Variants in ZZEF1 observed in about 807,000 individuals in gnomAD.
ZZEF1 encodes the protein zinc finger ZZ-type and EF-hand domain-containing protein 1.
In ZZEF1, 157 loss-of-function variants were observed where a neutral mutation model predicts 342.8. The ratio of observed to expected loss-of-function variants is 0.46; its 90% confidence interval spans 0.40 to 0.52. ZZEF1 has a LOEUF of 0.52. ZZEF1 is among the 20% of genes least tolerant of loss of function. The probability of loss-of-function intolerance (pLI) is 0.00; values close to 1 mark genes in which losing one functional copy is unlikely to be tolerated. For missense variants in ZZEF1, 3,480 were observed against 3,725.6 expected (o/e 0.93, Z 1.72); for synonymous variants, 1,505 against 1,429.1 (o/e 1.05, Z -1.20).
intron 39 of ZZEF1, among the ~76,000 whole-genome samples, chr17:4,035,534 A>T (rs2056641296): frequency 6.6e-6 from 1 of 152,174 alleles, no homozygotes; most frequent in African/African-American, 2.4e-5. Flanking sequence ...CAGGTGGCTG[A>T]GGAAGTCACC....
intron 6 of ZZEF1, among the ~76,000 whole-genome samples, chr17:4,109,253 G>A (rs2058258000): frequency 6.6e-6 from 1 of 152,120 alleles, no homozygotes; most frequent in Non-Finnish European, 1.5e-5. Context: ...AGTGTCAGTA[G>A]GTAAAATAAT....
chr17:4,109,916 G>T lies in ZZEF1; in HGVS notation c.1067-53C>A, dbSNP rs2058269904. Reference sequence around the variant, plus strand: ...ATTGGATTAACTTCTTTAGGCAAATGCTGGGCTCCCAACTAAAAGCAAAAT... The same window carrying T: ...ATTGGATTAACTTCTTTAGGCAAATTCTGGGCTCCCAACTAAAAGCAAAAT... On this transcript the variant is annotated intron_variant, in intron 5 of 54. Coordinates refer to ENST00000381638, the MANE Select transcript of ZZEF1 (RefSeq NM_015113.4). The T allele has an allele frequency of 3.8e-6, 6 of 1,584,506 alleles. No individual in the cohort carries two copies. In the Admixed American group the frequency reaches 1.0e-4, roughly 27 times the overall value.
At position 4,019,763 on chromosome 17, in the gene ZZEF1, G is replaced by A. The variant is rs560319240; in HGVS notation, c.7411C>T (p.His2471Tyr). ...TGCAGAGGGGCATTGAGGGCATCATGAGCCATCTGGAGGCCAGGGGAGGAC... is the reference window on the plus strand; with the variant it reads ...TGCAGAGGGGCATTGAGGGCATCATAAGCCATCTGGAGGCCAGGGGAGGAC... ...EPTRICFLMA[H>Y]DALNAPLHIL... The change falls in exon 46 of 55, where the codon CAT becomes TAT. Residue 2471 changes from histidine to tyrosine, a missense_variant. Physicochemically the swap from His to Tyr is moderately conservative, Grantham distance 83. Coordinates refer to ENST00000381638, the MANE Select transcript of ZZEF1 (RefSeq NM_015113.4). The A allele has an allele frequency of 1.2e-5, 19 of 1,607,726 alleles. 1 individual carries two copies. In the South Asian group the frequency reaches 1.8e-4, roughly 15 times the overall value.
rs1053367977 is a variant in ZZEF1 at position 4,005,225 on chromosome 17, C to T, written c.*1665G>A. Reference sequence around the variant, plus strand: ...GGTCTGAGGGATGAAGAAGGTGGGGCCTTCTCTGGGGTGGTGCAGGCAGCT... The same window carrying T: ...GGTCTGAGGGATGAAGAAGGTGGGGTCTTCTCTGGGGTGGTGCAGGCAGCT... On this transcript the variant is annotated 3_prime_UTR_variant, in exon 55 of 55. Coordinates refer to ENST00000381638, the MANE Select transcript of ZZEF1 (RefSeq NM_015113.4). The T allele has an allele frequency of 7.9e-5, 12 of 152,546 alleles. No homozygotes were observed. The highest frequency in any genetic ancestry group is 2.9e-4 in the African/African-American group (12 of 41,470). 9.4% of individuals were successfully genotyped at this position (152,546 alleles called of 1,614,324 possible).
At chr17:4,094,202 C>T (rs1346501738) in intron 11 of ZZEF1, among the ~76,000 whole-genome samples, 3 of 152,102 alleles carry the variant, frequency 2.0e-5, no homozygotes, top group South Asian at 2.1e-4. Context: ...AGTGCAGTGG[C>T]GTGAAGACAG....
chr17:4,093,332 A>C (rs2057978551), intron 11 of ZZEF1, among the ~76,000 whole-genome samples: 1 of 152,202 alleles, frequency 6.6e-6, no homozygotes, highest in Admixed American at 6.5e-5. Flanking sequence ...AGTGAAAGAC[A>C]TTTGTTCAAA....
In ZZEF1 at chr17:4,129,447, T is replaced by C. The variant is rs111245634; in HGVS notation, c.355-5396A>G. On this transcript the variant is annotated intron_variant, in intron 1 of 54. Coordinates refer to ENST00000381638, the MANE Select transcript of ZZEF1 (RefSeq NM_015113.4). The stretch of plus-strand genomic sequence containing the variant: ...TACACACAAATGTTCACTGCAGCAC[T>C]ATTCACCATAGCAAAGACACGCAAT... Among the ~76,000 whole-genome samples the C allele has an allele frequency of 1.8e-3, 278 of 152,278 alleles. 5 individuals are homozygous for C. The highest frequency in any genetic ancestry group is 6.4e-3 in the African/African-American group (266 of 41,554).
At chr17:4,033,391 A>C (rs1313597259) in intron 40 of ZZEF1, 1 of 168,688 alleles carries the variant, frequency 5.9e-6, no homozygotes. Context: ...TCTGTCGTCC[A>C]GGCTGGGGTG....
intron 1 of ZZEF1, among the ~76,000 whole-genome samples, chr17:4,140,012 T>G (rs552894163): frequency 3.9e-5 from 6 of 152,274 alleles, no homozygotes; most frequent in Admixed American, 1.3e-4. Flanking sequence ...CTTTCTTGCT[T>G]GTTGGAATGT....
intron 4 of ZZEF1, among the ~76,000 whole-genome samples, chr17:4,113,860 G>A (rs1242691641): frequency 6.6e-5 from 10 of 150,858 alleles, no homozygotes; most frequent in Non-Finnish European, 1.5e-4. Context: ...AAATCCCAGC[G>A]ACTGAGACTG....
chr17:4,007,134 G>T (rs1429937966), intron 54 of ZZEF1, among the ~76,000 whole-genome samples, 164 bp from the exon 55 acceptor site: 1 of 152,186 alleles, frequency 6.6e-6, no homozygotes, highest in Non-Finnish European at 1.5e-5. Flanking sequence ...GAAAAAAAAT[G>T]CTATTAAGAG....
At chr17:4,066,960 A>G (rs746239648) in intron 27 of ZZEF1, among the ~76,000 whole-genome samples, 23 of 152,210 alleles carry the variant, frequency 1.5e-4, no homozygotes, top group Middle Eastern at 3.2e-3. Context: ...GGGGTCAACT[A>G]AATTCTGTTT....
At position 4,087,414 on chromosome 17, in the gene ZZEF1, T is replaced by G; in HGVS notation, c.2342+20A>C. 1 of 1,586,602 alleles carries G rather than the reference T, an allele frequency of 6.3e-7. No individual in the cohort carries two copies. The highest frequency in any genetic ancestry group is 1.1e-5 in the South Asian group (1 of 87,624). ...TTTTCAGTTTATGTGCTTATCACCT[T>G]ATAACAAATTCTGACCTACTTTTGC... On this transcript the variant is annotated intron_variant, in intron 14 of 54. Transcript: ENST00000381638.
At chr17:4,142,505 C>T (rs777623185) in intron 1 of ZZEF1, 37 bp downstream of exon 1, 1 of 1,583,874 alleles carries the variant, frequency 6.3e-7, no homozygotes, top group Non-Finnish European at 8.5e-7. Flanking sequence ...GGGGCGACCG[C>T]CCTGCCCCAT....
chr17:4,026,337 CAATA>C (rs892494966), intron 42 of ZZEF1, among the ~76,000 whole-genome samples: 1 of 151,926 alleles, frequency 6.6e-6, no homozygotes, highest in African/African-American at 2.4e-5. Flanking sequence ...CTAAGGAGCT[CAATA>C]AATACCTAAG....
At position 4,088,909 on chromosome 17, in the gene ZZEF1, G is replaced by A. The variant is rs371255211; in HGVS notation, c.2026-16C>T. The stretch of plus-strand genomic sequence containing the variant: ...CCATCAAATACTGGACAGGACAAGA[G>A]AGATTTCAATAGAAGAACTCAGAAT... On this transcript the variant is annotated splice_polypyrimidine_tract_variant and intron_variant, in intron 12 of 54. Transcript: ENST00000381638. 66 of 1,612,118 alleles carry A rather than the reference G, an allele frequency of 4.1e-5. No individual in the cohort carries two copies. The highest frequency in any genetic ancestry group is 5.4e-5 in the Non-Finnish European group (64 of 1,179,090).
chr17:4,034,231 A>G lies in ZZEF1; in HGVS notation c.6368T>C (p.Ile2123Thr), dbSNP rs771887594. Residue 2123 changes from isoleucine (I) to threonine (T), a missense_variant, in exon 40 of 55, where the codon ATC (isoleucine) becomes ACC (threonine). Physicochemically the swap from Ile to Thr is moderately conservative, Grantham distance 89. Coordinates refer to ENST00000381638, the MANE Select transcript of ZZEF1 (RefSeq NM_015113.4). ...TTCATTCAGGTGGCCTGCGTTTGAG[A>G]TGACAACCTGAAACATGAGTGGAAG... ...HVLPLMFQVV[I>T]SNAGHLNETY... 1 of 1,614,226 alleles carries G rather than the reference A, an allele frequency of 6.2e-7. No homozygotes were observed. Among genetic ancestry groups the G allele is most frequent in the South Asian group, 1.1e-5 (1 of 91,088 alleles).
chr17:4,092,087 A>AAT (rs1567834207), intron 11 of ZZEF1, among the ~76,000 whole-genome samples: 27 of 82,156 alleles, frequency 3.3e-4, no homozygotes, highest in South Asian at 7.4e-4. Flanking sequence ...AAAAAAAAAA[A>AAT]AAATAATAAA....
chr17:4,136,209 G>C (rs1010446216), intron 1 of ZZEF1, among the ~76,000 whole-genome samples: 27 of 150,020 alleles, frequency 1.8e-4, no homozygotes, highest in African/African-American at 6.1e-4. Context: ...CCAGACATGG[G>C]GGCAGGTGCC....
Sources: allele counts gnomAD v4.1 joint callset (sites outside exome capture counted in the v4.1 genomes callset), GRCh38; gene constraint gnomAD v4.1.1; transcripts MANE v1.5; gene names NCBI Gene and HGNC (gene_info 2026-07-23, HGNC 2026-07-21).